The following KIF6 variants were observed in gnomAD, a reference collection of about 807,000 sequenced individuals.
The protein encoded by KIF6 is kinesin family member 6, also known as kinesin-like protein KIF6.
A neutral mutation model predicts 112.7 loss-of-function variants in KIF6; 106 were observed. That is an observed-to-expected ratio of 0.94 (90% confidence interval 0.80 to 1.11). The LOEUF is 1.11. Ranked by LOEUF, KIF6 falls within the 50% of genes least tolerant of loss-of-function variation. The pLI, the probability that KIF6 is intolerant of heterozygous loss-of-function variation, is 0.00. For missense variants in KIF6, 929 were observed against 964.0 expected, an observed-to-expected ratio of 0.96 and a Z score of 0.48; for synonymous variants, 339 against 339.9, an observed-to-expected ratio of 1.00 and a Z score of 0.03.
chr6:39,582,199 A>AT (rs1159835072), intron 9 of KIF6, among the ~76,000 whole-genome samples: 2 of 152,190 alleles, frequency 1.3e-5, no homozygotes, highest in Admixed American at 6.5e-5. Context: ...GTCTTATTGA[A>AT]TAAAAATCTC....
chr6:39,418,093 AAGG>A (rs1770063938), intron 15 of KIF6, among the ~76,000 whole-genome samples: 1 of 152,136 alleles, frequency 6.6e-6, no homozygotes, highest in African/African-American at 2.4e-5. Context: ...TTCCCACCTG[AAGG>A]AGATCAGCCT....
At chr6:39,390,072 G>A (rs1367904099) in intron 15 of KIF6, among the ~76,000 whole-genome samples, 1 of 148,206 alleles carries the variant, frequency 6.7e-6, no homozygotes, top group Non-Finnish European at 1.5e-5. Context: ...TACAAATCTG[G>A]AGGTAGACGA....
chr6:39,392,274 C>G (rs532286832), intron 15 of KIF6, among the ~76,000 whole-genome samples: 60 of 152,330 alleles, frequency 3.9e-4, no homozygotes, highest in African/African-American at 1.3e-3. Context: ...CCAACTTTTA[C>G]TTCCATTTTT....
chr6:39,503,340 C>T (rs977972116), intron 13 of KIF6, among the ~76,000 whole-genome samples: 5 of 152,150 alleles, frequency 3.3e-5, no homozygotes, highest in Non-Finnish European at 5.9e-5. Flanking sequence ...GCAGCTAAAG[C>T]TGTGTTACGA....
chr6:39,714,602 ATACACT>A, intron 3 of KIF6, 84 bp downstream of exon 3: 8 of 809,772 alleles, frequency 9.9e-6, no homozygotes, highest in Non-Finnish European at 1.5e-5. Flanking sequence ...TATATAATTG[ATACACT>A]TAAGCACACT....
At position 39,337,775 on chromosome 6, in the gene KIF6, C is replaced by T. The variant is rs1001020913; in HGVS notation, c.2429-1227G>A. 2.6e-5 allele frequency among the ~76,000 whole-genome samples: 4 copies of T among 152,180 alleles called. No individual in the cohort carries two copies. The South Asian group carries it at 8.3e-4, about 32-fold the overall frequency. ...GGAGAGGGTTCTCTGGATTGAGAAC[C>T]AGGGCCCTTGCGTTCTAGCCAGGAC... On this transcript the variant is annotated intron_variant, in intron 22 of 22. Transcript: ENST00000287152.
intron 5 of KIF6, among the ~76,000 whole-genome samples, chr6:39,619,427 C>A (rs1265244370): frequency 1.3e-5 from 2 of 152,172 alleles, no homozygotes; most frequent in Non-Finnish European, 2.9e-5. Flanking sequence ...TGCTGGCAAT[C>A]TGTAAATGAT....
intron 13 of KIF6, among the ~76,000 whole-genome samples, chr6:39,501,361 C>A (rs1273224232): frequency 6.6e-6 from 1 of 152,172 alleles, no homozygotes; most frequent in Non-Finnish European, 1.5e-5. Flanking sequence ...GATAAGCCCA[C>A]AAAGATAAGA....
At chr6:39,367,651 C>T (rs771983181) in intron 16 of KIF6, among the ~76,000 whole-genome samples, 32 of 152,240 alleles carry the variant, frequency 2.1e-4, no homozygotes, top group Middle Eastern at 3.4e-3. Context: ...TGGAATTAGC[C>T]GTGCAAGGAC....
intron 15 of KIF6, among the ~76,000 whole-genome samples, chr6:39,393,404 C>G (rs1374702049): frequency 6.6e-6 from 1 of 152,114 alleles, no homozygotes; most frequent in Non-Finnish European, 1.5e-5. Flanking sequence ...ATAATAACAG[C>G]ATTTGTGCTG....
chr6:39,657,640 A>G (rs1785882962), intron 3 of KIF6, among the ~76,000 whole-genome samples: 1 of 152,232 alleles, frequency 6.6e-6, no homozygotes, highest in South Asian at 2.1e-4. Flanking sequence ...CTCTCTCTAA[A>G]TTTAAAAGTA....
chr6:39,718,801 G>A (rs1216451615), intron 2 of KIF6, among the ~76,000 whole-genome samples: 1 of 151,748 alleles, frequency 6.6e-6, no homozygotes, highest in African/African-American at 2.4e-5. Context: ...TTCCTTAAAG[G>A]ATATAATGAA....
chr6:39,490,561 G>A (rs1224426739), intron 13 of KIF6, among the ~76,000 whole-genome samples: 4 of 152,134 alleles, frequency 2.6e-5, no homozygotes, highest in Admixed American at 6.5e-5. Flanking sequence ...TGAGGAATTC[G>A]GGAAGGGATT....
intron 13 of KIF6, among the ~76,000 whole-genome samples, chr6:39,442,922 G>A (rs188830068): frequency 0.011 from 1,694 of 151,972 alleles, 36 homozygotes; most frequent in African/African-American, 0.039. Flanking sequence ...GACCATCCTG[G>A]CTAACACGGT....
At chr6:39,561,617 A>G (rs1034608403) in intron 10 of KIF6, among the ~76,000 whole-genome samples, 1 of 152,026 alleles carries the variant, frequency 6.6e-6, no homozygotes, top group African/African-American at 2.4e-5. Flanking sequence ...CTTGGCTCCC[A>G]AAGTGCTGAG....
rs1421440495 is a variant in KIF6 at position 39,466,623 on chromosome 6, G to A, written c.1646-35462C>T. Reference sequence around the variant, plus strand: ...GCATGATGGAAGCTCTACTCTGGATGACTGTAAATTAGAACATGAAGCTTC... The same window carrying A: ...GCATGATGGAAGCTCTACTCTGGATAACTGTAAATTAGAACATGAAGCTTC... On this transcript the variant is annotated intron_variant, in intron 13 of 22. Coordinates refer to ENST00000287152, the MANE Select transcript of KIF6 (RefSeq NM_145027.6). Among the ~76,000 whole-genome samples the A allele has an allele frequency of 2.0e-5, 3 of 151,908 alleles. No individual in the cohort carries two copies. In the East Asian group the frequency reaches 5.8e-4, roughly 29 times the overall value.
chr6:39,461,615 T>C (rs1241889546), intron 13 of KIF6, among the ~76,000 whole-genome samples: 2 of 152,196 alleles, frequency 1.3e-5, no homozygotes, highest in Admixed American at 6.5e-5. Context: ...AAATTATTGA[T>C]ATATTTACAT....
chr6:39,384,313 T>A (rs1170444034), intron 16 of KIF6, among the ~76,000 whole-genome samples: 1 of 152,132 alleles, frequency 6.6e-6, no homozygotes. Context: ...GCCCATAAGG[T>A]CACCTTGGTA....
intron 3 of KIF6, among the ~76,000 whole-genome samples, chr6:39,704,610 T>C (rs968392565): frequency 6.6e-6 from 1 of 150,994 alleles, no homozygotes; most frequent in Non-Finnish European, 1.5e-5. Flanking sequence ...AGAGAGAAAC[T>C]CCGTCTTTAA....
Sources: gnomAD v4.1 joint callset for allele counts (sites outside exome capture counted in the v4.1 genomes callset) on GRCh38, gnomAD v4.1.1 for gene constraint, MANE v1.5 for transcripts, NCBI Gene and HGNC (gene_info 2026-07-23, HGNC 2026-07-21) for gene names.